Variants in ATP10A observed in about 807,000 individuals in gnomAD.
ATP10A encodes ATPase phospholipid transporting 10A (putative).
ATP10A carries 111 observed loss-of-function variants against 147.8 expected under a neutral mutation model. That is an observed-to-expected ratio of 0.75 (90% CI 0.64 to 0.88). ATP10A has a LOEUF of 0.88. Among genes scored for constraint, ATP10A ranks in the 40% least tolerant of loss-of-function variants. ATP10A has a pLI of 0.00. For synonymous variants in ATP10A, 875 were observed against 841.6 expected, an observed-to-expected ratio of 1.04 and a Z score of -0.69; for missense variants, 1,927 against 1,959.0, an observed-to-expected ratio of 0.98 and a Z score of 0.31.
At chr15:25,732,238 CTTCT>C (rs1158170897) in intron 3 of ATP10A, among the ~76,000 whole-genome samples, 1 of 152,012 alleles carries the variant, frequency 6.6e-6, no homozygotes, top group Non-Finnish European at 1.5e-5. Context: ...AGAACATTTT[CTTCT>C]TTCTTTTTTT....
intron 12 of ATP10A, among the ~76,000 whole-genome samples, chr15:25,703,785 G>A (rs1900810201): frequency 6.6e-6 from 1 of 152,234 alleles, no homozygotes; most frequent in Non-Finnish European, 1.5e-5. Context: ...CCCCTCAGGG[G>A]CAAGTGGCTG....
chr15:25,702,567 C>T (rs1900732342), intron 12 of ATP10A, among the ~76,000 whole-genome samples: 2 of 152,152 alleles, frequency 1.3e-5, no homozygotes, highest in Admixed American at 6.5e-5. Context: ...CTCAACAATG[C>T]TTATTACTAG....
chr15:25,842,526 G>A (rs1300351358), intron 1 of ATP10A, among the ~76,000 whole-genome samples: 2 of 152,146 alleles, frequency 1.3e-5, no homozygotes, highest in South Asian at 2.1e-4. Context: ...GTTTTCTACC[G>A]TGTTTCAGTG....
Position 25,721,543 on chromosome 15 carries a change from C to CGTGTGT in ATP10A, c.1363+108_1363+113dup, listed in dbSNP as rs59037981. 8.1e-4 allele frequency: 604 copies of CGTGTGT among 749,472 alleles called. 2 individuals carry two copies. The highest frequency in any genetic ancestry group is 4.6e-3 in the African/African-American group (255 of 55,484). The allele number at this position is 749,472 out of a possible 1,614,324, so 46.4% of individuals were successfully genotyped here. ...CCTTGAAAATCAGTAATCCCTGAAG[C>CGTGTGT]GTGTGTGTGTGTGTGTGTGTGTGTG... On this transcript the variant is annotated intron_variant, in intron 7 of 20. Coordinates refer to ENST00000555815, the MANE Select transcript of ATP10A (RefSeq NM_024490.4).
chr15:25,765,208 G>T lies in ATP10A; in HGVS notation c.654+15811C>A, dbSNP rs578199786. Among the ~76,000 whole-genome samples the T allele has an allele frequency of 3.3e-3, 503 of 152,258 alleles. 3 individuals carry two copies. Among genetic ancestry groups the T allele is most frequent in the African/African-American group, 0.012 (493 of 41,542 alleles). ...TGTTGTGTCTGCCTGGCACAGCCTGGTGGCTTCGTGGAGAGACAATGTTTA... is the reference window on the plus strand; with the variant it reads ...TGTTGTGTCTGCCTGGCACAGCCTGTTGGCTTCGTGGAGAGACAATGTTTA... On this transcript the variant is annotated intron_variant, in intron 2 of 20. Transcript: ENST00000555815.
intron 1 of ATP10A, among the ~76,000 whole-genome samples, chr15:25,839,554 C>T (rs1485929969): frequency 6.6e-6 from 1 of 152,140 alleles, no homozygotes; most frequent in African/African-American, 2.4e-5. Flanking sequence ...GCAGGCTCGT[C>T]CTCTCTCCCG....
intron 2 of ATP10A, among the ~76,000 whole-genome samples, chr15:25,776,554 C>CA (rs1247418881): frequency 6.6e-6 from 1 of 152,360 alleles, no homozygotes; most frequent in East Asian, 1.9e-4. Flanking sequence ...TGATGCTCCA[C>CA]ACGGGGGCCT....
At chr15:25,694,284 A>G (rs529205516) in intron 14 of ATP10A, among the ~76,000 whole-genome samples, 62 of 152,356 alleles carry the variant, frequency 4.1e-4, no homozygotes, top group African/African-American at 1.3e-3. Flanking sequence ...CTGAGCAGTG[A>G]TGCGTATCTG....
At chr15:25,682,457 G>C (rs1899473949) in intron 17 of ATP10A, among the ~76,000 whole-genome samples, 1 of 152,204 alleles carries the variant, frequency 6.6e-6, no homozygotes, top group South Asian at 2.1e-4. Context: ...AGCTCTGGCT[G>C]AGCACTTAGG....
intron 3 of ATP10A, among the ~76,000 whole-genome samples, chr15:25,730,627 T>G (rs1018309012): frequency 2.6e-5 from 4 of 152,136 alleles, no homozygotes; most frequent in African/African-American, 9.7e-5. Context: ...CTCATCTATA[T>G]GAATCAGGGT....
At position 25,802,696 on chromosome 15, in the gene ATP10A, T is replaced by A. The variant is rs1471684060; in HGVS notation, c.450-21473A>T. On this transcript the variant is annotated intron_variant, in intron 1 of 20. Transcript: ENST00000555815. ...CCTTCTCTGTCTTGAAAGCCAGCAA[T>A]GGTGGCAAGTCTTGCGCACTGGGCC... Among the ~76,000 whole-genome samples, 6 of 152,160 alleles carry A rather than the reference T, an allele frequency of 3.9e-5. No individual in the cohort carries two copies. In the South Asian group the frequency reaches 6.2e-4, roughly 16 times the overall value.
intron 1 of ATP10A, among the ~76,000 whole-genome samples, chr15:25,840,330 C>T (rs61993773): frequency 0.14 from 21,428 of 152,072 alleles, 1,717 homozygotes; most frequent in South Asian, 0.31. Context: ...ATCTTTTCTG[C>T]TTCTCTTTCT....
chr15:25,730,133 A>C (rs1258683736), intron 3 of ATP10A, among the ~76,000 whole-genome samples: 3 of 149,362 alleles, frequency 2.0e-5, no homozygotes, highest in Non-Finnish European at 4.4e-5. Flanking sequence ...TCTACTAAAA[A>C]TACAAAAAAA....
chr15:25,862,889 T>TGTACTTG lies in ATP10A; in HGVS notation c.201_207dup (p.Thr70GlnfsTer121), dbSNP rs1893834026. On this transcript the variant is annotated frameshift_variant, in exon 1 of 21. Coordinates refer to ENST00000555815, the MANE Select transcript of ATP10A (RefSeq NM_024490.4). LOFTEE classifies it high-confidence loss of function. ...TTCTTGGGCAGGAAGGACAGCAGCG[T>TGTACTTG]GTACTTGGTAGTCTTGAGCCGGTTG... The TGTACTTG allele has an allele frequency of 6.2e-7, 1 of 1,611,982 alleles. No individual in the cohort carries two copies. The highest frequency in any genetic ancestry group is 8.5e-7 in the Non-Finnish European group (1 of 1,179,362).
downstream of ATP10A, among the ~76,000 whole-genome samples, chr15:25,674,911 A>G (rs1899107137): frequency 6.6e-6 from 1 of 152,232 alleles, no homozygotes. Context: ...CCAGCCAGAG[A>G]GGCTGGGAAA....
intron 1 of ATP10A, among the ~76,000 whole-genome samples, chr15:25,842,478 G>A (rs1056555085): frequency 2.0e-5 from 3 of 151,970 alleles, no homozygotes; most frequent in Admixed American, 6.6e-5. Context: ...ATGAATCTAC[G>A]CCATCTTGTT....
intron 14 of ATP10A, among the ~76,000 whole-genome samples, chr15:25,692,907 C>A (rs944286504): frequency 1.3e-5 from 2 of 152,142 alleles, no homozygotes; most frequent in Non-Finnish European, 2.9e-5. Context: ...CTCAAGTGAT[C>A]CTCCCACTTC....
intron 1 of ATP10A, among the ~76,000 whole-genome samples, chr15:25,781,640 G>A (rs1889928864): frequency 6.6e-6 from 1 of 151,402 alleles, no homozygotes; most frequent in South Asian, 2.1e-4. Flanking sequence ...GGGCTATAGA[G>A]TGATATTCCG....
chr15:25,819,709 A>C (rs1050309603), intron 1 of ATP10A, among the ~76,000 whole-genome samples: 4 of 152,208 alleles, frequency 2.6e-5, no homozygotes, highest in Non-Finnish European at 4.4e-5. Context: ...GGATAAAGAA[A>C]ATGTGGCATA....
Sources: gnomAD v4.1 joint callset for allele counts (sites outside exome capture counted in the v4.1 genomes callset) on GRCh38, gnomAD v4.1.1 for gene constraint, MANE v1.5 for transcripts, NCBI Gene and HGNC (gene_info 2026-07-23, HGNC 2026-07-21) for gene names.